The following SYNPO2 variants were observed in gnomAD, a reference collection of about 807,000 sequenced individuals.
The protein encoded by SYNPO2 is synaptopodin-2.
Under a neutral mutation model 85.0 loss-of-function variants are expected in SYNPO2, and 56 were observed. The observed-to-expected ratio is 0.66, with a 90% CI of 0.53 to 0.82. The LOEUF is 0.82. SYNPO2 is among the 40% of genes least tolerant of loss of function. SYNPO2 has a pLI of 0.00. For synonymous variants in SYNPO2, 602 were observed against 591.1 expected (o/e 1.02, Z -0.27); for missense variants, 1,575 against 1,534.2 (o/e 1.03, Z -0.44).
chr4:119,004,500 T>C (rs1352184728), intron 1 of SYNPO2, among the ~76,000 whole-genome samples: 3 of 148,770 alleles, frequency 2.0e-5, no homozygotes, highest in African/African-American at 7.4e-5. Flanking sequence ...CCTTGTGATA[T>C]TTTGCTGAGA....
chr4:118,896,690 A>G (rs978084183), intron 1 of SYNPO2, among the ~76,000 whole-genome samples: 25 of 152,232 alleles, frequency 1.6e-4, no homozygotes, highest in Admixed American at 1.3e-3. Flanking sequence ...AACAAACTGT[A>G]TCTTCAAGTC....
At chr4:119,022,840 G>A (rs894913185) in intron 1 of SYNPO2, among the ~76,000 whole-genome samples, 2 of 150,524 alleles carry the variant, frequency 1.3e-5, no homozygotes, top group Admixed American at 6.6e-5. Context: ...ACAATGGTGC[G>A]ATATTGGCTC....
intron 4 of SYNPO2, chr4:119,036,343 C>T (rs943089112): frequency 1.0e-6 from 1 of 985,226 alleles, no homozygotes; most frequent in Non-Finnish European, 1.2e-6. Flanking sequence ...ATTCTAAGAA[C>T]CAACACTGTA....
intron 1 of SYNPO2, among the ~76,000 whole-genome samples, chr4:118,866,319 C>G (rs994566416): frequency 1.3e-5 from 2 of 152,126 alleles, no homozygotes; most frequent in Non-Finnish European, 2.9e-5. Flanking sequence ...ACCTGGCAAT[C>G]AAAAATGTCC....
At chr4:118,982,824 C>T (rs377521115) in intron 1 of SYNPO2, among the ~76,000 whole-genome samples, 9 of 152,118 alleles carry the variant, frequency 5.9e-5, no homozygotes, top group Admixed American at 2.6e-4. Flanking sequence ...AGAAAGAACA[C>T]GATAGTTCTT....
In SYNPO2 at chr4:119,058,228, C is replaced by T. The variant is rs1458939264; in HGVS notation, c.*294C>T. 4.9e-6 allele frequency: 1 copy of T among 204,346 alleles called. No individual in the cohort carries two copies. Among genetic ancestry groups the T allele is most frequent in the Non-Finnish European group, 9.8e-6 (1 of 101,548 alleles). 12.7% of individuals were successfully genotyped at this position (204,346 alleles called of 1,614,324 possible). On this transcript the variant is annotated 3_prime_UTR_variant, in exon 5 of 5. Transcript: ENST00000307142. ...GATGTGCTGGCATTTATATGTAATTCATAATTTTGATTCCATTAATAGGTA... is the reference window on the plus strand; with the variant it reads ...GATGTGCTGGCATTTATATGTAATTTATAATTTTGATTCCATTAATAGGTA...
intron 1 of SYNPO2, among the ~76,000 whole-genome samples, chr4:118,851,496 A>C (rs56212146): frequency 0.025 from 3,762 of 152,274 alleles, 85 homozygotes; most frequent in Non-Finnish European, 0.042. Context: ...TCAAAAAAAA[A>C]CAAAAAACAA....
intron 1 of SYNPO2, among the ~76,000 whole-genome samples, chr4:118,975,567 AAGG>A (rs1035291451): frequency 8.5e-5 from 13 of 152,202 alleles, no homozygotes; most frequent in African/African-American, 3.1e-4. Context: ...CACCCCCAGG[AAGG>A]AGGAGGAGGT....
chr4:119,036,271 A>T, intron 4 of SYNPO2: 1 of 985,458 alleles, frequency 1.0e-6, no homozygotes, highest in South Asian at 4.7e-5. Flanking sequence ...ATTCTCTTTA[A>T]AATCAGGGTT....
chr4:118,876,668 T>C (rs779347626), intron 1 of SYNPO2, among the ~76,000 whole-genome samples: 1 of 1,722 alleles, frequency 5.8e-4, no homozygotes, highest in South Asian at 0.062. Context: ...CCTTCCTTTC[T>C]CTTTCTTTCT....
intron 1 of SYNPO2, among the ~76,000 whole-genome samples, chr4:118,901,139 G>A (rs376334929): frequency 3.3e-5 from 5 of 151,994 alleles, no homozygotes; most frequent in African/African-American, 1.2e-4. Context: ...ATTTTGGTTT[G>A]TTGCCATATT....
At chr4:118,991,704 C>T (rs1333641954) in intron 1 of SYNPO2, among the ~76,000 whole-genome samples, 1 of 152,022 alleles carries the variant, frequency 6.6e-6, no homozygotes, top group East Asian at 1.9e-4. Context: ...TGGGGCAGAG[C>T]CAAGTAGAGA....
chr4:118,996,317 C>T (rs1208260180), intron 1 of SYNPO2, among the ~76,000 whole-genome samples: 1 of 152,180 alleles, frequency 6.6e-6, no homozygotes, highest in African/African-American at 2.4e-5. Context: ...AAAGGTTTCC[C>T]AAAATGATCA....
chr4:118,881,632 C>G (rs778495871), intron 1 of SYNPO2, among the ~76,000 whole-genome samples: 5 of 152,184 alleles, frequency 3.3e-5, no homozygotes, highest in Admixed American at 6.5e-5. Flanking sequence ...CGACTGCGAG[C>G]CTCTGTGGCA....
At chr4:118,938,598 A>C (rs1007462185) in intron 1 of SYNPO2, among the ~76,000 whole-genome samples, 1 of 152,180 alleles carries the variant, frequency 6.6e-6, no homozygotes, top group African/African-American at 2.4e-5. Flanking sequence ...AGTGCTACAA[A>C]AATTGTTTTC....
intron 1 of SYNPO2, among the ~76,000 whole-genome samples, chr4:118,990,017 G>T (rs1462243212): frequency 6.6e-6 from 1 of 152,208 alleles, no homozygotes; most frequent in African/African-American, 2.4e-5. Context: ...TTTGTAAACA[G>T]ATACATTAAA....
intron 1 of SYNPO2, among the ~76,000 whole-genome samples, chr4:118,955,438 A>T (rs749150317): frequency 6.6e-6 from 1 of 152,226 alleles, no homozygotes; most frequent in Admixed American, 6.5e-5. Flanking sequence ...GGCCTCTAAG[A>T]TAGCAATAGC....
chr4:119,040,021 CT>C (rs1174505781), intron 4 of SYNPO2, among the ~76,000 whole-genome samples: 2 of 152,116 alleles, frequency 1.3e-5, no homozygotes, highest in Admixed American at 1.3e-4. Context: ...TTCAGTCGCC[CT>C]GTGCTTCAAT....
chr4:118,938,627 G>GT (rs1479036444), intron 1 of SYNPO2, among the ~76,000 whole-genome samples: 1 of 152,120 alleles, frequency 6.6e-6, no homozygotes, highest in East Asian at 1.9e-4. Flanking sequence ...CTTCCCTGTG[G>GT]TTTTCCCTCA....
Sources: allele counts gnomAD v4.1 joint callset (sites outside exome capture counted in the v4.1 genomes callset), GRCh38; gene constraint gnomAD v4.1.1; transcripts MANE v1.5; gene names NCBI Gene and HGNC (gene_info 2026-07-23, HGNC 2026-07-21).